TANC1: variants seen among roughly 807,000 people sequenced by gnomAD.
TANC1 encodes tetratricopeptide repeat, ankyrin repeat and coiled-coil containing 1.
Under a neutral mutation model 149.7 loss-of-function variants are expected in TANC1, and 77 were observed. That is an observed-to-expected ratio of 0.51 (90% CI 0.43 to 0.62). The LOEUF is 0.62. TANC1 is among the 20% of genes least tolerant of loss of function. The pLI is 0.00. For synonymous variants in TANC1, 854 were observed against 925.0 expected (o/e 0.92, Z 1.39); for missense variants, 1,985 against 2,321.8 (o/e 0.85, Z 2.98).
chr2:159,081,128 G>A (rs540426821), intron 3 of TANC1, among the ~76,000 whole-genome samples: 78 of 152,302 alleles, frequency 5.1e-4, no homozygotes, highest in African/African-American at 1.4e-3. Flanking sequence ...GGCATTGCCC[G>A]TGAGCAGAGC....
At chr2:159,228,121 C>T (rs1054244076) in intron 25 of TANC1, 156 bp downstream of exon 25, 11 of 777,626 alleles carry the variant, frequency 1.4e-5, no homozygotes, top group African/African-American at 3.5e-5. Flanking sequence ...AGCTCCTATC[C>T]GTGACTATCG....
intron 1 of TANC1, among the ~76,000 whole-genome samples, chr2:158,991,646 T>C (rs1477191552): frequency 6.6e-6 from 1 of 151,960 alleles, no homozygotes; most frequent in Non-Finnish European, 1.5e-5. Context: ...CCTGGGAGGC[T>C]GAGGCGGGAG....
At chr2:159,148,374 A>G (rs1242938629) in intron 5 of TANC1, 1 of 152,256 alleles carries the variant, frequency 6.6e-6, no homozygotes, top group African/African-American at 2.4e-5. Context: ...AAATCCAACC[A>G]TAAAATTCTC....
At chr2:159,095,810 A>AG (rs2046066185) in intron 3 of TANC1, among the ~76,000 whole-genome samples, 1 of 146,700 alleles carries the variant, frequency 6.8e-6, no homozygotes, top group African/African-American at 2.5e-5. Flanking sequence ...TCCTATATGG[A>AG]GGGGGTGACT....
intron 7 of TANC1, among the ~76,000 whole-genome samples, chr2:159,155,437 T>C (rs1256096245): frequency 1.3e-5 from 2 of 152,210 alleles, no homozygotes; most frequent in African/African-American, 4.8e-5. Flanking sequence ...GGAGCATTTT[T>C]GTAGTGTCCT....
chr2:159,157,031 T>C (rs1275550220), intron 7 of TANC1, among the ~76,000 whole-genome samples: 2 of 152,184 alleles, frequency 1.3e-5, no homozygotes, highest in Non-Finnish European at 2.9e-5. Flanking sequence ...AGCTAGAAAT[T>C]TCGTACAGAG....
chr2:159,011,451 T>A (rs1185220643), intron 2 of TANC1, among the ~76,000 whole-genome samples: 1 of 152,150 alleles, frequency 6.6e-6, no homozygotes, highest in African/African-American at 2.4e-5. Flanking sequence ...GTAGGTCAGT[T>A]TTCCCTGTCT....
intron 3 of TANC1, among the ~76,000 whole-genome samples, chr2:159,088,744 G>T (rs2045220720): frequency 6.6e-6 from 1 of 152,122 alleles, no homozygotes; most frequent in Non-Finnish European, 1.5e-5. Context: ...TGTGGCCCAA[G>T]ACAATTCTTC....
Position 159,197,483 on chromosome 2 carries a change from T to C in TANC1, c.3165+690T>C, listed in dbSNP as rs574560743. On this transcript the variant is annotated intron_variant, in intron 18 of 26. Transcript: ENST00000263635. Reference sequence around the variant, plus strand: ...CCAGTATTTGGTAAGATTCTTTTTCTAAAATGACTTTAGTAAATTCGAGTG... The same window carrying C: ...CCAGTATTTGGTAAGATTCTTTTTCCAAAATGACTTTAGTAAATTCGAGTG... 1.5e-3 allele frequency among the ~76,000 whole-genome samples: 233 copies of C among 152,336 alleles called. 6 individuals are homozygous for C. In the South Asian group the frequency reaches 0.047, roughly 31 times the overall value.
At chr2:159,146,062 C>T (rs540250882) in intron 5 of TANC1, among the ~76,000 whole-genome samples, 3 of 152,332 alleles carry the variant, frequency 2.0e-5, no homozygotes, top group African/African-American at 7.2e-5. Context: ...AACCATCTGG[C>T]TGTTCAGATC....
chr2:159,190,316 CA>C (rs1473196110), intron 16 of TANC1, among the ~76,000 whole-genome samples: 1 of 152,150 alleles, frequency 6.6e-6, no homozygotes, highest in Non-Finnish European at 1.5e-5. Context: ...AACTGGCTGG[CA>C]AAATTATCCA....
chr2:159,020,377 G>A (rs1392654363), intron 2 of TANC1, among the ~76,000 whole-genome samples: 1 of 152,178 alleles, frequency 6.6e-6, no homozygotes, highest in Non-Finnish European at 1.5e-5. Flanking sequence ...GCCTCCCGAA[G>A]TGCTGGGATT....
intron 19 of TANC1, among the ~76,000 whole-genome samples, chr2:159,202,719 G>A (rs751235143): frequency 5.3e-5 from 8 of 152,084 alleles, no homozygotes; most frequent in East Asian, 1.9e-4. Context: ...CTCTTGGCTC[G>A]GTGATATTCA....
chr2:158,978,593 C>G (rs2033955948), intron 1 of TANC1, among the ~76,000 whole-genome samples: 1 of 152,178 alleles, frequency 6.6e-6, no homozygotes, highest in African/African-American at 2.4e-5. Flanking sequence ...ATCTAAATGC[C>G]TGCAGATAGT....
Position 159,097,692 on chromosome 2 carries a change from C to A in TANC1, c.117C>A (p.Asp39Glu). Reference protein sequence around the residue: ...SPVLHLDHSADSPVSSLPTAE... With the variant: ...SPVLHLDHSAESPVSSLPTAE... Reference sequence around the variant, plus strand: ...TCCTGCACCTTGACCACAGTGCTGACTCTCCTGTGAGCAGTCTTCCCACAG... The same window carrying A: ...TCCTGCACCTTGACCACAGTGCTGAATCTCCTGTGAGCAGTCTTCCCACAG... Residue 39 changes from aspartate (D) to glutamate (E), a missense_variant, in exon 4 of 27, where the codon GAC becomes GAA. Physicochemically the swap from Asp to Glu is conservative, Grantham distance 45 (BLOSUM62 2). Transcript: ENST00000263635. 1 of 1,614,220 alleles carries A rather than the reference C, an allele frequency of 6.2e-7. No homozygotes were observed. Among genetic ancestry groups the A allele is most frequent in the Non-Finnish European group, 8.5e-7 (1 of 1,180,034 alleles).
intron 8 of TANC1, among the ~76,000 whole-genome samples, chr2:159,167,479 C>T (rs1231123181): frequency 6.6e-6 from 1 of 152,214 alleles, no homozygotes; most frequent in Non-Finnish European, 1.5e-5. Context: ...GATTACCGTA[C>T]ATTCGATCCA....
At chr2:159,139,313 A>G (rs995644688) in intron 5 of TANC1, among the ~76,000 whole-genome samples, 1 of 152,192 alleles carries the variant, frequency 6.6e-6, no homozygotes, top group African/African-American at 2.4e-5. Flanking sequence ...AGCATTTTCT[A>G]CTCTAGGAAA....
At chr2:159,150,793 AG>A in intron 7 of TANC1, 1 of 416,900 alleles carries the variant, frequency 2.4e-6, no homozygotes, top group Non-Finnish European at 4.3e-6. Context: ...AAAAAAAAAA[AG>A]GAATTCCAGA....
chr2:159,196,915 G>A, intron 18 of TANC1, 122 bp downstream of exon 18: 2 of 863,706 alleles, frequency 2.3e-6, no homozygotes. Flanking sequence ...TTGACCACCT[G>A]CAGTAGAAGG....
Sources: allele counts gnomAD v4.1 joint callset (sites outside exome capture counted in the v4.1 genomes callset), GRCh38; gene constraint gnomAD v4.1.1; transcripts MANE v1.5; gene names NCBI Gene and HGNC (gene_info 2026-07-23, HGNC 2026-07-21).